NTMT1: variants seen among roughly 807,000 people sequenced by gnomAD.
NTMT1 encodes N-terminal Xaa-Pro-Lys N-methyltransferase 1.
In NTMT1, 8 loss-of-function variants were observed where a neutral mutation model predicts 17.5. The observed-to-expected ratio is 0.46, with a 90% CI of 0.27 to 0.82. The LOEUF is 0.82. NTMT1 is among the 40% of genes least tolerant of loss of function. The probability of loss-of-function intolerance (pLI) is 0.15; values close to 1 mark genes in which losing one functional copy is unlikely to be tolerated. For synonymous variants in NTMT1, 128 were observed against 126.8 expected, an observed-to-expected ratio of 1.01 and a Z score of -0.06; for missense variants, 221 against 303.5, an observed-to-expected ratio of 0.73 and a Z score of 2.02.
At chr9:129,610,293 A>T (rs1588105172) in intron 1 of NTMT1, among the ~76,000 whole-genome samples, 1 of 115,962 alleles carries the variant, frequency 8.6e-6, no homozygotes, top group Admixed American at 9.5e-5. Flanking sequence ...GTCTCCCTGC[A>T]GGCCCCGCCC....
chr9:129,612,262 G>A, intron 1 of NTMT1: 1 of 1,178,266 alleles, frequency 8.5e-7, no homozygotes, highest in Non-Finnish European at 1.2e-6. Context: ...CCAGCCACCT[G>A]GGATGTGCCT....
intron 1 of NTMT1, chr9:129,615,555 G>A (rs867388151): frequency 6.2e-7 from 1 of 1,610,426 alleles, no homozygotes; most frequent in Non-Finnish European, 8.5e-7. Context: ...CACCCGGAAA[G>A]GGCAACGCTG....
chr9:129,613,627 TGCCCAGGAGGAGG>T lies in NTMT1; in HGVS notation c.-55+4452_-55+4464del. The T allele has an allele frequency of 6.2e-7, 1 of 1,613,284 alleles. No individual in the cohort carries two copies. Among genetic ancestry groups the T allele is most frequent in the East Asian group, 2.2e-5 (1 of 44,872 alleles). ...AGGAAAGAGGGCAGGGTGAGATCTC[TGCCCAGGAGGAGG>T]GCACTGGTGCCCCCACCCTCTTTTC... On this transcript the variant is annotated intron_variant, in intron 1 of 3. Transcript: ENST00000372486. This position sits in a 1 kb window ranked among gnomAD's most constrained non-coding sequence, Gnocchi z 6.2.
At chr9:129,633,137 T>G in intron 2 of NTMT1, 2 of 489,048 alleles carry the variant, frequency 4.1e-6, no homozygotes, top group Non-Finnish European at 7.2e-6. Context: ...CTGTTGGGTT[T>G]TGCCAGGGAC....
chr9:129,611,101 C>G (rs918279334), intron 1 of NTMT1, among the ~76,000 whole-genome samples: 14 of 152,178 alleles, frequency 9.2e-5, no homozygotes. Context: ...TCCCAAAAGG[C>G]GTCCCCCATC....
chr9:129,634,946 T>C (rs1488361700), intron 3 of NTMT1: 2 of 492,534 alleles, frequency 4.1e-6, no homozygotes, highest in Non-Finnish European at 3.7e-6. Flanking sequence ...GGTGTGTAGG[T>C]ATCAGGCAGG....
chr9:129,632,099 C>A (rs1280941045), intron 1 of NTMT1, among the ~76,000 whole-genome samples: 1 of 150,130 alleles, frequency 6.7e-6, no homozygotes, highest in African/African-American at 2.4e-5. Context: ...CTTTATTGAT[C>A]AGGGTTTTCT....
At position 129,620,301 on chromosome 9, in the gene NTMT1, G is replaced by T; in HGVS notation, c.-55+11123G>T. ...AGGGACCGCAGCAGCCCCCGCTTCC[G>T]CACGGCCCGCCGGGTCGCGGTGAGC... On this transcript the variant is annotated intron_variant, in intron 1 of 3. Coordinates refer to the NTMT1 transcript ENST00000372486. The surrounding 1 kb of genome is among the most constrained non-coding windows in gnomAD (Gnocchi z 5.8). 1 of 1,250,196 alleles carries T rather than the reference G, an allele frequency of 8.0e-7. No individual in the cohort carries two copies. Among genetic ancestry groups the T allele is most frequent in the Non-Finnish European group, 1.0e-6 (1 of 994,826 alleles). The allele number at this position is 1,250,196 out of a possible 1,614,324, so 77.4% of individuals were successfully genotyped here.
chr9:129,624,305 TAC>T, upstream of NTMT1, among the ~76,000 whole-genome samples: 1 of 152,274 alleles, frequency 6.6e-6, no homozygotes, highest in Middle Eastern at 3.4e-3. Flanking sequence ...TTTTTAGGCA[TAC>T]AGAGAGCTTG....
intron 1 of NTMT1, among the ~76,000 whole-genome samples, chr9:129,618,910 TTCACCG>T (rs1830530062): frequency 6.6e-6 from 1 of 151,196 alleles, no homozygotes. Context: ...GAGACGGGGT[TTCACCG>T]TGTTATCCAG....
chr9:129,634,131 C>T lies in NTMT1; in HGVS notation c.240C>T (p.Leu80=), dbSNP rs755242698. The change falls in exon 3 of 4, where the codon CTC becomes CTT. Residue 80 remains leucine, a synonymous_variant. Transcript: ENST00000372483. ...TTGGGAGGATCACCAAGCGGCTGCT[C>T]CTGCCGCTGTTCAGAGAGGTGGATA... is the stretch of plus-strand genomic sequence containing the variant. ...AGIGRITKRL[L]LPLFREVDMV... is the part of the protein sequence containing the mutation. The T allele has an allele frequency of 2.5e-6, 4 of 1,614,138 alleles. No individual in the cohort carries two copies. The highest frequency in any genetic ancestry group is 3.4e-6 in the Non-Finnish European group (4 of 1,179,996).
chr9:129,615,489 C>G (rs1283489619), intron 1 of NTMT1: 1 of 1,592,810 alleles, frequency 6.3e-7, no homozygotes, highest in African/African-American at 1.3e-5. Context: ...CTTACCTGAG[C>G]GTCTGCGCTC....
chr9:129,629,298 G>A (rs1443016462), intron 1 of NTMT1, among the ~76,000 whole-genome samples: 1 of 152,198 alleles, frequency 6.6e-6, no homozygotes, highest in Non-Finnish European at 1.5e-5. Flanking sequence ...GCTACATGGT[G>A]ACATTCAGAT....
At position 129,635,413 on chromosome 9, in the gene NTMT1, G is replaced by T; in HGVS notation, c.621G>T (p.Gln207His). ...TCAGCCTCCTGGCCGAGGAGAGGCA[G>T]GAGAACCTCCCCGATGAGATCTACC... ...AGLSLLAEER[Q>H]ENLPDEIYHV... The change falls in exon 4 of 4, where the codon CAG (glutamine) becomes CAT (histidine). Residue 207 changes from glutamine (Q) to histidine (H), a missense_variant. Transcript: ENST00000372483. 3 of 1,613,030 alleles carry T rather than the reference G, an allele frequency of 1.9e-6. No individual in the cohort carries two copies. The African/African-American group carries it at 4.0e-5, about 21-fold the overall frequency.
chr9:129,623,206 A>G (rs10819549), upstream of NTMT1, among the ~76,000 whole-genome samples: 147,674 of 151,694 alleles, frequency 0.97, 71,896 homozygotes, highest in Middle Eastern at 0.99. Flanking sequence ...GGTGACGGGT[A>G]CCTGTAATCC....
At position 129,613,600 on chromosome 9, in the gene NTMT1, G is replaced by GCTC; in HGVS notation, c.-55+4423_-55+4424insTCC. ...GTTCACAATGACGCTCTGTTGGACT[G>GCTC]CAGGAAAGAGGGCAGGGTGAGATCT... is the stretch of plus-strand genomic sequence containing the variant. On this transcript the variant is annotated intron_variant, in intron 1 of 3. Transcript: ENST00000372486. This position sits in a 1 kb window ranked among gnomAD's most constrained non-coding sequence, Gnocchi z 6.2. 1 of 1,614,066 alleles carries GCTC rather than the reference G, an allele frequency of 6.2e-7. No homozygotes were observed. The highest frequency in any genetic ancestry group is 8.5e-7 in the Non-Finnish European group (1 of 1,180,000).
rs1019110235 is a variant in NTMT1 at position 129,613,651 on chromosome 9, C to T, written c.-55+4473C>T. On this transcript the variant is annotated intron_variant, in intron 1 of 3. Coordinates refer to the NTMT1 transcript ENST00000372486. This position sits in a 1 kb window ranked among gnomAD's most constrained non-coding sequence, Gnocchi z 6.2. ...CTGCCCAGGAGGAGGGCACTGGTGC[C>T]CCCACCCTCTTTTCCTCCCTCTGGC... is the stretch of plus-strand genomic sequence containing the variant. 7 of 1,604,690 alleles carry T rather than the reference C, an allele frequency of 4.4e-6. No individual in the cohort carries two copies. The highest frequency in any genetic ancestry group is 6.0e-6 in the Non-Finnish European group (7 of 1,174,234).
intron 1 of NTMT1, among the ~76,000 whole-genome samples, chr9:129,609,874 G>A (rs1168100229): frequency 1.3e-5 from 2 of 152,008 alleles, no homozygotes; most frequent in African/African-American, 4.8e-5. Flanking sequence ...CCCCGTGAGA[G>A]GCCGTGTATG....
At chr9:129,624,308 A>G (rs568749005), upstream of NTMT1, among the ~76,000 whole-genome samples, 4 of 152,312 alleles carry the variant, frequency 2.6e-5, no homozygotes, top group South Asian at 2.1e-4. Context: ...TTAGGCATAC[A>G]GAGAGCTTGG....
Sources: gnomAD v4.1 joint callset for allele counts (sites outside exome capture counted in the v4.1 genomes callset) on GRCh38, gnomAD v4.1.1 for gene constraint, Gnocchi (gnomAD v3.1) non-coding constraint, MANE v1.5 for transcripts, NCBI Gene and HGNC (gene_info 2026-07-23, HGNC 2026-07-21) for gene names.